ITGAV: variants seen among roughly 807,000 people sequenced by gnomAD.
ITGAV encodes the protein integrin subunit alpha V.
ITGAV carries 76 observed loss-of-function variants against 143.8 expected under a neutral mutation model. That is an observed-to-expected ratio of 0.53 (90% CI 0.44 to 0.64). ITGAV has a LOEUF of 0.64. Ranked by LOEUF, ITGAV falls within the 30% of genes least tolerant of loss-of-function variation. ITGAV has a pLI of 0.00. For synonymous variants in ITGAV, 453 were observed against 446.7 expected, an observed-to-expected ratio of 1.01 and a Z score of -0.18; for missense variants, 1,193 against 1,274.7, an observed-to-expected ratio of 0.94 and a Z score of 0.98.
chr2:186,674,502 A>T (rs116287053), intron 26 of ITGAV, among the ~76,000 whole-genome samples: 3,327 of 151,346 alleles, frequency 0.022, 49 homozygotes, highest in Non-Finnish European at 0.033. Flanking sequence ...TCTAATCTGG[A>T]TACCTTTTAC....
chr2:186,647,447 G>A (rs966424844), intron 13 of ITGAV, among the ~76,000 whole-genome samples: 15 of 152,164 alleles, frequency 9.9e-5, no homozygotes, highest in Middle Eastern at 3.4e-3. Flanking sequence ...TGTTGCCCAG[G>A]CTGGTCTTGA....
chr2:186,680,810 T>A lies in ITGAV; in HGVS notation c.*3518T>A, dbSNP rs1385536547. On this transcript the variant is annotated 3_prime_UTR_variant, in exon 30 of 30. Coordinates refer to ENST00000261023, the MANE Select transcript of ITGAV (RefSeq NM_002210.5). The stretch of plus-strand genomic sequence containing the variant: ...GTTCTAAAATTTGTAATTTGCTAAC[T>A]TGATTTGAGTTAGTGAAAACTGGTA... The A allele has an allele frequency of 6.6e-6, 1 of 152,664 alleles. No homozygotes were observed. Among genetic ancestry groups the A allele is most frequent in the Non-Finnish European group, 1.5e-5 (1 of 68,024 alleles). 9.5% of individuals were successfully genotyped at this position (152,664 alleles called of 1,614,324 possible).
At chr2:186,617,536 C>G (rs145095627) in intron 2 of ITGAV, among the ~76,000 whole-genome samples, 1 of 152,290 alleles carries the variant, frequency 6.6e-6, no homozygotes, top group Non-Finnish European at 1.5e-5. Context: ...TTTCAAGTCT[C>G]TAGTGATTTA....
At chr2:186,610,041 T>G (rs1687171749) in intron 2 of ITGAV, among the ~76,000 whole-genome samples, 1 of 152,146 alleles carries the variant, frequency 6.6e-6, no homozygotes, top group South Asian at 2.1e-4. Flanking sequence ...TCCTTGTAGA[T>G]TTCACATGAA....
chr2:186,661,821 TC>T (rs1377377868), intron 18 of ITGAV, among the ~76,000 whole-genome samples: 2 of 152,088 alleles, frequency 1.3e-5, no homozygotes, highest in African/African-American at 2.4e-5. Context: ...AGTCTTGATC[TC>T]CTGACCTCGT....
rs112661302 is a variant in ITGAV, at chr2:186,656,446, T to C, written c.1719+45T>C. The C allele has an allele frequency of 3.4e-4, 448 of 1,327,096 alleles. 1 individual carries two copies. In the African/African-American group the frequency reaches 5.0e-3, roughly 15 times the overall value. 82.2% of individuals were successfully genotyped at this position (1,327,096 alleles called of 1,614,324 possible). ...CTACCTTGTTGTTCCTTTTTAGTCA[T>C]TAGTTTTTTATCTAAATGATTTTCA... is the stretch of plus-strand genomic sequence containing the variant. On this transcript the variant is annotated intron_variant, in intron 17 of 29. Transcript: ENST00000261023.
rs755073639 is a variant in ITGAV at position 186,638,399 on chromosome 2, T to C, written c.847-10T>C. 1.5e-5 allele frequency: 24 copies of C among 1,610,998 alleles called. No individual in the cohort carries two copies. The highest frequency in any genetic ancestry group is 4.2e-6 in the Non-Finnish European group (5 of 1,177,582). ...ACCAGATTTCACATACTTCTATTTTTCCTTCACAGGTTTATATTTATGATG... is the reference window on the plus strand; with the variant it reads ...ACCAGATTTCACATACTTCTATTTTCCCTTCACAGGTTTATATTTATGATG... On this transcript the variant is annotated splice_polypyrimidine_tract_variant and intron_variant, in intron 9 of 29. Coordinates refer to ENST00000261023, the MANE Select transcript of ITGAV (RefSeq NM_002210.5).
At chr2:186,625,201 C>T (rs1363608285) in intron 3 of ITGAV, among the ~76,000 whole-genome samples, 4 of 151,868 alleles carry the variant, frequency 2.6e-5, no homozygotes, top group Admixed American at 2.0e-4. Flanking sequence ...AGTGAGACCC[C>T]GTTTCTATAA....
chr2:186,675,142 T>C (rs1018305548), intron 26 of ITGAV, among the ~76,000 whole-genome samples: 5 of 152,202 alleles, frequency 3.3e-5, no homozygotes, highest in African/African-American at 1.2e-4. Flanking sequence ...ACATTAAATG[T>C]GTCAGAGGCC....
rs749552073 is a variant in ITGAV, at chr2:186,654,716, T to G, written c.1564+8T>G. 3 of 1,387,266 alleles carry G rather than the reference T, an allele frequency of 2.2e-6. No homozygotes were observed. The highest frequency in any genetic ancestry group is 2.0e-6 in the Non-Finnish European group (2 of 981,010). 85.9% of individuals were successfully genotyped at this position (1,387,266 alleles called of 1,614,324 possible). On this transcript the variant is annotated splice_region_variant and intron_variant, in intron 16 of 29. Transcript: ENST00000261023. ...TACTTCCCAGGAAACTTAGTAAGTGTTCTATGAAAAATCATATTATTTTAA... is the reference window on the plus strand; with the variant it reads ...TACTTCCCAGGAAACTTAGTAAGTGGTCTATGAAAAATCATATTATTTTAA...
chr2:186,658,782 ATGT>A (rs1373347470), intron 17 of ITGAV, among the ~76,000 whole-genome samples: 1 of 152,136 alleles, frequency 6.6e-6, no homozygotes, highest in East Asian at 1.9e-4. Context: ...TTGAGTGCTC[ATGT>A]TGTTAACATG....
chr2:186,600,474 C>A, intron 1 of ITGAV: 3 of 1,491,324 alleles, frequency 2.0e-6, no homozygotes, highest in South Asian at 1.2e-5. Flanking sequence ...GAGAGACTTT[C>A]CTTTACCTAG....
chr2:186,641,388 A>G lies in ITGAV; in HGVS notation c.959A>G (p.Tyr320Cys). The G allele has an allele frequency of 6.2e-7, 1 of 1,613,218 alleles. No individual in the cohort carries two copies. Residue 320 changes from tyrosine (Y) to cysteine (C), a missense_variant and splice_region_variant, in exon 12 of 30, where the codon TAT becomes TGT. Tyr to Cys is a radical substitution (Grantham distance 194). Transcript: ENST00000261023. ...VAATDINGDD[Y>C]ADVFIGAPLF... is the part of the protein sequence containing the mutation. ...GTGAGAAGTTTCTGTTCTTCTAGTT[A>G]TGCAGATGTGTTTATTGGAGCACCT...
rs983825916 is a variant in ITGAV, at chr2:186,621,658, T to G, written c.317-681T>G. Among the ~76,000 whole-genome samples the G allele has an allele frequency of 3.3e-5, 5 of 152,236 alleles. No homozygotes were observed. In the East Asian group the frequency reaches 9.6e-4, roughly 29 times the overall value. ...TTGTCTTTCATGATATTGACAATTT[T>G]GAGGACTCTATCCCAGGTGTCCTGT... On this transcript the variant is annotated intron_variant, in intron 2 of 29. Coordinates refer to ENST00000261023, the MANE Select transcript of ITGAV (RefSeq NM_002210.5).
At chr2:186,656,445 A>C in intron 17 of ITGAV, 44 bp downstream of exon 17, 1 of 1,360,686 alleles carries the variant, frequency 7.3e-7, no homozygotes, top group Non-Finnish European at 9.7e-7. Flanking sequence ...CTTTTTAGTC[A>C]TTAGTTTTTT....
chr2:186,647,373 C>T (rs1688291852), intron 13 of ITGAV, among the ~76,000 whole-genome samples: 1 of 151,810 alleles, frequency 6.6e-6, no homozygotes, highest in Middle Eastern at 3.2e-3. Context: ...GTAGCTGGGA[C>T]TACAGGCAAG....
chr2:186,653,240 C>T (rs991775771), intron 15 of ITGAV, among the ~76,000 whole-genome samples: 1 of 152,078 alleles, frequency 6.6e-6, no homozygotes, highest in Non-Finnish European at 1.5e-5. Context: ...TAAGTTGTCT[C>T]GTGCTTTACT....
Position 186,623,755 on chromosome 2 carries a change from G to C in ITGAV, c.408+1325G>C, listed in dbSNP as rs559735143. 1.3e-4 allele frequency among the ~76,000 whole-genome samples: 20 copies of C among 152,124 alleles called. 1 individual carries two copies. The highest frequency in any genetic ancestry group is 6.5e-4 in the Admixed American group (10 of 15,278). On this transcript the variant is annotated intron_variant, in intron 3 of 29. Transcript: ENST00000261023. Reference sequence around the variant, plus strand: ...TATATATTTCCCAATTTTTTAGGAGGCCTGGGTTTCCACCCTATTCACTAG... The same window carrying C: ...TATATATTTCCCAATTTTTTAGGAGCCCTGGGTTTCCACCCTATTCACTAG...
chr2:186,623,166 G>T (rs1212636005), intron 3 of ITGAV, among the ~76,000 whole-genome samples: 1 of 151,986 alleles, frequency 6.6e-6, no homozygotes, highest in Non-Finnish European at 1.5e-5. Context: ...GTTTTCTATG[G>T]TAACCATCGT....
Sources: gnomAD v4.1 joint callset for allele counts (sites outside exome capture counted in the v4.1 genomes callset) on GRCh38, gnomAD v4.1.1 for gene constraint, MANE v1.5 for transcripts, NCBI Gene and HGNC (gene_info 2026-07-23, HGNC 2026-07-21) for gene names.